Variants in TRIM67 observed in about 807,000 individuals in gnomAD.
TRIM67 encodes the protein tripartite motif containing 67, also known as tripartite motif-containing protein 67.
Under a neutral mutation model 71.0 loss-of-function variants are expected in TRIM67, and 39 were observed. The ratio of observed to expected loss-of-function variants is 0.55; its 90% CI spans 0.43 to 0.72. The LOEUF (loss-of-function observed/expected upper bound fraction) is 0.72. Among genes scored for constraint, TRIM67 ranks in the 30% least tolerant of loss-of-function variants. The pLI is 0.00. For missense variants in TRIM67, 973 were observed against 1,079.2 expected (o/e 0.90, Z 1.38); for synonymous variants, 481 against 473.9 (o/e 1.01, Z -0.19).
At position 231,172,731 on chromosome 1, in the gene TRIM67, A is replaced by C. The variant is rs146689309; in HGVS notation, c.1044+8718A>C. 2.6e-4 allele frequency among the ~76,000 whole-genome samples: 39 copies of C among 152,366 alleles called. No individual in the cohort carries two copies. In the East Asian group the frequency reaches 6.0e-3, roughly 23 times the overall value. On this transcript the variant is annotated intron_variant, in intron 1 of 9. Coordinates refer to ENST00000366653, the MANE Select transcript of TRIM67 (RefSeq NM_001004342.5). The stretch of plus-strand genomic sequence containing the variant: ...GTCAAGGTTGTGTTAGGAAATTTAG[A>C]CACATACTTGTATTTACTCAATCTC...
At chr1:231,172,549 G>C (rs1414968450) in intron 1 of TRIM67, among the ~76,000 whole-genome samples, 3 of 152,206 alleles carry the variant, frequency 2.0e-5, no homozygotes, top group African/African-American at 7.2e-5. Flanking sequence ...GGTGAGCTGG[G>C]TTCTGGGAAC....
At position 231,215,656 on chromosome 1, in the gene TRIM67, G is replaced by T; in HGVS notation, c.*216G>T. 29 of 1,327,892 alleles carry T rather than the reference G, an allele frequency of 2.2e-5. No individual in the cohort carries two copies. Among genetic ancestry groups the T allele is most frequent in the Non-Finnish European group, 2.7e-5 (28 of 1,037,946 alleles). The allele number at this position is 1,327,892 out of a possible 1,614,324, so 82.3% of individuals were successfully genotyped here. On this transcript the variant is annotated 3_prime_UTR_variant, in exon 10 of 10. Coordinates refer to ENST00000366653, the MANE Select transcript of TRIM67 (RefSeq NM_001004342.5). ...CTGCCACTGTCAGTGGCAAAGGAAG[G>T]TACGTGTGTCACCCTTATTCCACCC... is the stretch of plus-strand genomic sequence containing the variant.
At chr1:231,196,542 C>T (rs1200667174) in intron 1 of TRIM67, among the ~76,000 whole-genome samples, 2 of 151,000 alleles carry the variant, frequency 1.3e-5, no homozygotes, top group African/African-American at 4.9e-5. Flanking sequence ...AGCCACTGCA[C>T]TCTAGCCTGG....
intron 1 of TRIM67, among the ~76,000 whole-genome samples, chr1:231,168,316 G>A (rs555961076): frequency 1.3e-5 from 2 of 152,236 alleles, no homozygotes; most frequent in Admixed American, 6.5e-5. Flanking sequence ...TTCATCATAG[G>A]CATTTATATT....
chr1:231,169,368 CTTTTTTTTTTTTT>C (rs775082418), intron 1 of TRIM67, among the ~76,000 whole-genome samples: 2 of 81,660 alleles, frequency 2.4e-5, no homozygotes, highest in Non-Finnish European at 4.5e-5. Context: ...ATTCTTTTCT[CTTTTTTTTTTTTT>C]TTTTTTTTTT....
intron 1 of TRIM67, among the ~76,000 whole-genome samples, chr1:231,166,284 T>G (rs1404906121): frequency 6.6e-6 from 1 of 152,310 alleles, no homozygotes; most frequent in African/African-American, 2.4e-5. Context: ...CTGTTCTTCT[T>G]CAGCAGGTGC....
chr1:231,181,425 C>A (rs12031392), intron 1 of TRIM67, among the ~76,000 whole-genome samples: 16,763 of 152,202 alleles, frequency 0.11, 1,186 homozygotes, highest in East Asian at 0.29. Context: ...TCAGTGTCAG[C>A]AAGAAGTGAA....
chr1:231,186,337 C>T (rs773688046), intron 1 of TRIM67, among the ~76,000 whole-genome samples: 5 of 152,182 alleles, frequency 3.3e-5, no homozygotes, highest in African/African-American at 9.7e-5. Context: ...GCAGCGCATC[C>T]GTGGACCTCC....
chr1:231,214,265 G>C (rs1208691991), intron 9 of TRIM67, among the ~76,000 whole-genome samples: 1 of 152,158 alleles, frequency 6.6e-6, no homozygotes, highest in Non-Finnish European at 1.5e-5. Context: ...GAAACAGAGA[G>C]AGACAAGAAT....
chr1:231,201,360 C>A lies in TRIM67; in HGVS notation c.1377C>A (p.Ile459=). The change falls in exon 5 of 10, where the codon ATC becomes ATA. Residue 459 remains isoleucine (I), a splice_region_variant and synonymous_variant. Transcript: ENST00000366653. The stretch of plus-strand genomic sequence containing the variant: ...TAAACTCTTTGCTCCCCTTTAAGAT[C>A]TCAGATGCTCTGATCAAGCGCGTCC... The part of the protein sequence containing the change: ...KENDPSGFLQ[I]SDALIKRVQV... 6.2e-7 allele frequency: 1 copy of A among 1,612,142 alleles called. No homozygotes were observed. Among genetic ancestry groups the A allele is most frequent in the Non-Finnish European group, 8.5e-7 (1 of 1,179,180 alleles).
chr1:231,190,555 C>T lies in TRIM67; in HGVS notation c.1045-6816C>T, dbSNP rs568521539. 7.2e-5 allele frequency among the ~76,000 whole-genome samples: 11 copies of T among 152,278 alleles called. No individual in the cohort carries two copies. The East Asian group carries it at 7.7e-4, about 11-fold the overall frequency. On this transcript the variant is annotated intron_variant, in intron 1 of 9. Coordinates refer to ENST00000366653, the MANE Select transcript of TRIM67 (RefSeq NM_001004342.5). ...GGGGTCACCTTCAGCCTGCGGCCCC[C>T]GGCGTAACATACCAGGGGCTGCCAC...
chr1:231,163,101 C>A lies in TRIM67; in HGVS notation c.132C>A (p.His44Gln), dbSNP rs1382369206. The A allele has an allele frequency of 5.1e-6, 8 of 1,565,142 alleles. No homozygotes were observed. In the Admixed American group the frequency reaches 1.3e-4, roughly 26 times the overall value. Reference protein sequence around the residue: ...IAVQTPDGEQHLPQPLLLSRG... With the variant: ...IAVQTPDGEQQLPQPLLLSRG... ...TGCAGACCCCGGACGGTGAGCAGCA[C>A]CTGCCCCAGCCGCTCCTGCTTTCCC... The change falls in exon 1 of 10, where the codon CAC becomes CAA. Residue 44 changes from histidine (H) to glutamine (Q), a missense_variant. His to Gln is a conservative substitution (Grantham distance 24). Transcript: ENST00000366653.
chr1:231,193,539 T>G (rs1412131225), intron 1 of TRIM67, among the ~76,000 whole-genome samples: 1 of 151,228 alleles, frequency 6.6e-6, no homozygotes, highest in Non-Finnish European at 1.5e-5. Flanking sequence ...TCTCTCTCTC[T>G]CTCTCTCTCT....
At position 231,217,871 on chromosome 1, in the gene TRIM67, C is replaced by T. The variant is rs1302428088; in HGVS notation, c.*2431C>T. On this transcript the variant is annotated 3_prime_UTR_variant, in exon 10 of 10. Coordinates refer to ENST00000366653, the MANE Select transcript of TRIM67 (RefSeq NM_001004342.5). ...AGGGTAATGCCCTCAAATCCGGTGGCCTCTTTCAGAAAAAAGTTCCCTGAA... is the reference window on the plus strand; with the variant it reads ...AGGGTAATGCCCTCAAATCCGGTGGTCTCTTTCAGAAAAAAGTTCCCTGAA... The T allele has an allele frequency of 1.4e-5, 18 of 1,289,480 alleles. No homozygotes were observed. Among genetic ancestry groups the T allele is most frequent in the Non-Finnish European group, 1.7e-5 (17 of 988,742 alleles). 79.9% of individuals were successfully genotyped at this position (1,289,480 alleles called of 1,614,324 possible).
chr1:231,197,694 G>A (rs537133952), intron 2 of TRIM67, among the ~76,000 whole-genome samples: 2 of 152,264 alleles, frequency 1.3e-5, no homozygotes, highest in Non-Finnish European at 2.9e-5. Flanking sequence ...GCGTGGTGGC[G>A]CATGCCTGTA....
At chr1:231,169,302 G>A (rs888959533) in intron 1 of TRIM67, among the ~76,000 whole-genome samples, 12 of 149,804 alleles carry the variant, frequency 8.0e-5, no homozygotes, top group Non-Finnish European at 7.4e-5. Flanking sequence ...TGATCTGTCC[G>A]CCTTGGCCTC....
chr1:231,200,177 A>G lies in TRIM67; in HGVS notation c.1293A>G (p.Thr431=), dbSNP rs1248195486. The change falls in exon 4 of 10, where the codon ACA becomes ACG. Residue 431 remains threonine, a synonymous_variant. Transcript: ENST00000366653. The part of the protein sequence containing the change: ...KMVWDQINHC[T]LKLRQSTGLM... ...TTTGGGACCAGATCAATCACTGCACATTGAAGCTGCGTCAGTCCACCGGAC... is the reference window on the plus strand; with the variant it reads ...TTTGGGACCAGATCAATCACTGCACGTTGAAGCTGCGTCAGTCCACCGGAC... 4 of 1,613,904 alleles carry G rather than the reference A, an allele frequency of 2.5e-6. No individual in the cohort carries two copies. Among genetic ancestry groups the G allele is most frequent in the East Asian group, 2.2e-5 (1 of 44,862 alleles).
intron 1 of TRIM67, among the ~76,000 whole-genome samples, chr1:231,177,944 A>G (rs2102722874): frequency 6.6e-6 from 1 of 152,380 alleles, no homozygotes; most frequent in Non-Finnish European, 1.5e-5. Context: ...GCCATAAAGT[A>G]TGATTTCAGA....
chr1:231,215,066 C>G (rs1182549230), intron 9 of TRIM67, among the ~76,000 whole-genome samples: 1 of 152,206 alleles, frequency 6.6e-6, no homozygotes, highest in Admixed American at 6.5e-5. Context: ...TATGTAACCA[C>G]GGGAGCCAGT....
Sources: gnomAD v4.1 joint callset for allele counts (sites outside exome capture counted in the v4.1 genomes callset) on GRCh38, gnomAD v4.1.1 for gene constraint, MANE v1.5 for transcripts, NCBI Gene and HGNC (gene_info 2026-07-23, HGNC 2026-07-21) for gene names.